Variants in TRPV1 observed in about 807,000 individuals in gnomAD.
TRPV1 encodes the protein transient receptor potential cation channel subfamily V member 1.
A neutral mutation model predicts 82.3 loss-of-function variants in TRPV1; 82 were observed. That is an observed-to-expected ratio of 1.00 (90% CI 0.83 to 1.20). TRPV1 has a LOEUF of 1.20. Among genes scored for constraint, TRPV1 ranks in the 50% most tolerant of loss-of-function variants. TRPV1 has a pLI of 0.00. For synonymous variants in TRPV1, 515 were observed against 467.7 expected (o/e 1.10, Z -1.30); for missense variants, 1,067 against 1,096.8 (o/e 0.97, Z 0.38).
chr17:3,592,570 G>T (rs922113007), intron 2 of TRPV1, 187 bp from the exon 3 acceptor site: 4 of 637,722 alleles, frequency 6.3e-6, no homozygotes, highest in Non-Finnish European at 1.1e-5. Context: ...GGCCTCAGAG[G>T]TGAGCAGGCC....
At chr17:3,578,774 C>G (rs920193077) in intron 11 of TRPV1, 1 of 152,176 alleles carries the variant, frequency 6.6e-6, no homozygotes, top group African/African-American at 2.4e-5. Context: ...TGGAATCAAT[C>G]CAGGTGCCCA....
intron 16 of TRPV1, among the ~76,000 whole-genome samples, chr17:3,569,874 T>C (rs186141779): frequency 2.1e-3 from 303 of 146,674 alleles, no homozygotes; most frequent in Non-Finnish European, 3.1e-3. Flanking sequence ...TTCATAAAGA[T>C]AGAAAACAGA....
chr17:3,580,426 T>C (rs755386554), intron 11 of TRPV1, 31 bp downstream of exon 11: 1 of 1,613,472 alleles, frequency 6.2e-7, no homozygotes, highest in Non-Finnish European at 8.5e-7. Context: ...ACCTGGGGAC[T>C]GGACTGGGAA....
chr17:3,591,346 ACAG>A lies in TRPV1; in HGVS notation c.289_291del (p.Leu97del). ...GTGCTGGCGGCGACAGAGTCCTGGG[ACAG>A]CAGCCTGTGGGCCAGAAAACACGCT... is the stretch of plus-strand genomic sequence containing the variant. On this transcript the variant is annotated inframe_deletion, in exon 4 of 17. Transcript: ENST00000572705. 6.3e-7 allele frequency: 1 copy of A among 1,576,666 alleles called. No individual in the cohort carries two copies. The highest frequency in any genetic ancestry group is 8.6e-7 in the Non-Finnish European group (1 of 1,163,138).
chr17:3,581,713 C>T (rs1380380095), intron 10 of TRPV1, among the ~76,000 whole-genome samples: 3 of 148,628 alleles, frequency 2.0e-5, no homozygotes, highest in Admixed American at 6.8e-5. Context: ...GGTGAAACCC[C>T]GTCTCTACTA....
chr17:3,592,036 G>A, intron 3 of TRPV1, 31 bp downstream of exon 3: 1 of 1,598,254 alleles, frequency 6.3e-7, no homozygotes, highest in Non-Finnish European at 8.5e-7. Flanking sequence ...TGGGCTCCCA[G>A]CAGGGAGGGG....
In TRPV1 at chr17:3,591,311, G is replaced by T; in HGVS notation, c.327C>A (p.Thr109=). 6.2e-7 allele frequency: 1 copy of T among 1,605,324 alleles called. No individual in the cohort carries two copies. Among genetic ancestry groups the T allele is most frequent in the African/African-American group, 1.3e-5 (1 of 74,254 alleles). ...TACTCCTGCGATCATAGAGCCTGAG[G>T]GTCTTCTCGGTGCTGGCGGCGACAG... ...QDSVAASTEK[T]LRLYDRRSIF... is the part of the protein sequence containing the mutation. The change falls in exon 4 of 17, where the codon ACC becomes ACA. Residue 109 remains threonine (T), a synonymous_variant. Transcript: ENST00000572705.
intron 3 of TRPV1, 70 bp from the exon 4 acceptor site, chr17:3,591,423 C>T: frequency 6.7e-7 from 1 of 1,497,276 alleles, no homozygotes; most frequent in Non-Finnish European, 8.9e-7. Context: ...CGGAGCTTGT[C>T]AAGGGAACAC....
Position 3,580,446 on chromosome 17 carries a change from G to C in TRPV1, c.1547+11C>G. 6.2e-7 allele frequency: 1 copy of C among 1,614,002 alleles called. No individual in the cohort carries two copies. The highest frequency in any genetic ancestry group is 8.5e-7 in the Non-Finnish European group (1 of 1,179,874). On this transcript the variant is annotated intron_variant, in intron 11 of 16. Transcript: ENST00000572705. ...GGGACTGGACTGGGAATGAGTCAAA[G>C]TGTCACTTACAAAAGCATCTCACTG...
intron 2 of TRPV1, among the ~76,000 whole-genome samples, chr17:3,594,340 G>A (rs878958106): frequency 7.6e-6 from 1 of 132,074 alleles, no homozygotes; most frequent in Admixed American, 7.7e-5. Flanking sequence ...TTTTTTTTTT[G>A]AAATATATAA....
rs201154250 is a variant in TRPV1 at position 3,592,312 on chromosome 17, C to T, written c.39G>A (p.Ala13=). The stretch of plus-strand genomic sequence containing the variant: ...GGCAGGTGTCCTTTTGGAGTGGGTC[C>T]GCAGCTGCCCCCAAGTCTGTGCTGC... The part of the protein sequence containing the change: ...KWSSTDLGAA[A]DPLQKDTCPD... The change falls in exon 3 of 17, where the codon GCG becomes GCA. Residue 13 remains alanine, a synonymous_variant. Coordinates refer to ENST00000572705, the MANE Select transcript of TRPV1 (RefSeq NM_080704.4). The T allele has an allele frequency of 5.7e-4, 915 of 1,598,530 alleles. 13 individuals carry two copies. The South Asian group carries it at 9.5e-3, about 17-fold the overall frequency.
At chr17:3,575,396 T>C (rs571117587) in intron 13 of TRPV1, among the ~76,000 whole-genome samples, 6 of 151,884 alleles carry the variant, frequency 4.0e-5, no homozygotes, top group East Asian at 1.9e-4. Context: ...GGCAGGAGAA[T>C]TGCTTGAACC....
At chr17:3,589,658 C>T in intron 7 of TRPV1, 149 bp downstream of exon 7, 1 of 1,012,770 alleles carries the variant, frequency 9.9e-7, no homozygotes, top group Admixed American at 2.9e-5. Context: ...ATTTCTCAGA[C>T]TTATTCTAAC....
In TRPV1 at chr17:3,577,639, C is replaced by A; in HGVS notation, c.1672G>T (p.Gly558Cys). The change falls in exon 12 of 17, where the codon GGT becomes TGT. Residue 558 changes from glycine (G) to cysteine (C), a missense_variant. Transcript: ENST00000572705. ...GWTNMLYYTRGFQQMGIYAVM... is the reference protein window; with the variant it reads ...GWTNMLYYTRCFQQMGIYAVM... ...GCATAGATGCCCATCTGCTGGAAAC[C>A]GCGGGTGTAGTAGAGCATGTTGGTC... The A allele has an allele frequency of 6.3e-7, 1 of 1,584,362 alleles. No homozygotes were observed. The highest frequency in any genetic ancestry group is 1.2e-5 in the South Asian group (1 of 86,374).
At chr17:3,601,782 AAC>A (rs1353447289) in intron 2 of TRPV1, 1 of 147,518 alleles carries the variant, frequency 6.8e-6, no homozygotes, top group Non-Finnish European at 1.5e-5. Flanking sequence ...TTTTGGTAGC[AAC>A]AGAGTCTCGC....
chr17:3,570,414 G>A (rs987486364), intron 16 of TRPV1, among the ~76,000 whole-genome samples: 2 of 151,674 alleles, frequency 1.3e-5, no homozygotes, highest in South Asian at 2.1e-4. Context: ...AGTGGTGAGT[G>A]TTGTACAATA....
chr17:3,570,327 G>A (rs951155129), intron 16 of TRPV1, among the ~76,000 whole-genome samples: 3 of 150,182 alleles, frequency 2.0e-5, no homozygotes, highest in Non-Finnish European at 3.0e-5. Context: ...CCCAGATCAC[G>A]CCACTGCACT....
In TRPV1 at chr17:3,580,545, G is replaced by GATT. The variant is rs764096833; in HGVS notation, c.1477-19_1477-18insAAT. Reference sequence around the variant, plus strand: ...TACTGAATCTGCAGGTAAACAGAGAGAGTAAGATCCCAGGCAATGCTCGAT... The same window carrying GATT: ...TACTGAATCTGCAGGTAAACAGAGAGATTAGTAAGATCCCAGGCAATGCTCGAT... On this transcript the variant is annotated intron_variant, in intron 10 of 16. Coordinates refer to ENST00000572705, the MANE Select transcript of TRPV1 (RefSeq NM_080704.4). 6.2e-7 allele frequency: 1 copy of GATT among 1,613,902 alleles called. No individual in the cohort carries two copies. The highest frequency in any genetic ancestry group is 8.5e-7 in the Non-Finnish European group (1 of 1,179,780).
At position 3,596,204 on chromosome 17, in the gene TRPV1, C is replaced by A. The variant is rs528940560; in HGVS notation, c.-33-3821G>T. ...CTCAACTCCAAAGCCAGAACAGATA[C>A]TGCCTACCCTCTGGGGGAAGGATCC... is the stretch of plus-strand genomic sequence containing the variant. On this transcript the variant is annotated intron_variant, in intron 2 of 16. Transcript: ENST00000572705. 3.3e-5 allele frequency among the ~76,000 whole-genome samples: 5 copies of A among 152,334 alleles called. No homozygotes were observed. In the East Asian group the frequency reaches 7.7e-4, roughly 23 times the overall value.
Sources: allele counts gnomAD v4.1 joint callset (sites outside exome capture counted in the v4.1 genomes callset), GRCh38; gene constraint gnomAD v4.1.1; transcripts MANE v1.5; gene names NCBI Gene and HGNC (gene_info 2026-07-23, HGNC 2026-07-21).